PPP1R14C: variants seen among roughly 807,000 people sequenced by gnomAD.
The protein encoded by PPP1R14C is protein phosphatase 1 regulatory inhibitor subunit 14C, also known as protein phosphatase 1 regulatory subunit 14C.
PPP1R14C carries 16 observed loss-of-function variants against 20.4 expected under a neutral mutation model. The ratio of observed to expected loss-of-function variants is 0.78; its 90% CI spans 0.53 to 1.19. The LOEUF is 1.19. Among genes scored for constraint, PPP1R14C ranks in the 50% most tolerant of loss-of-function variants. PPP1R14C has a pLI of 0.00. For missense variants in PPP1R14C, 211 were observed against 220.1 expected, an observed-to-expected ratio of 0.96 and a Z score of 0.26; for synonymous variants, 91 against 91.0, an observed-to-expected ratio of 1.00 and a Z score of 0.00.
rs1157921382 is a variant in PPP1R14C, at chr6:150,143,247, G to T, written c.55G>T (p.Ala19Ser). The T allele has an allele frequency of 7.1e-6, 10 of 1,413,846 alleles. No homozygotes were observed. The highest frequency in any genetic ancestry group is 3.0e-5 in the African/African-American group (2 of 65,766). 87.6% of individuals were successfully genotyped at this position (1,413,846 alleles called of 1,614,324 possible). ...ETAGGASGGGARVFFQSPRGG... is the reference protein window; with the variant it reads ...ETAGGASGGGSRVFFQSPRGG... ...GGCCGGCGGGGCCAGCGGCGGCGGC[G>T]CACGGGTTTTCTTCCAAAGCCCCCG... is the stretch of plus-strand genomic sequence containing the variant. The change falls in exon 1 of 4, where the codon GCA becomes TCA. Residue 19 changes from alanine to serine, a missense_variant. Physicochemically the swap from Ala to Ser is moderately conservative, Grantham distance 99. Coordinates refer to ENST00000361131, the MANE Select transcript of PPP1R14C (RefSeq NM_030949.3). This position sits in a 1 kb window ranked among gnomAD's most constrained non-coding sequence, Gnocchi z 5.6.
chr6:150,151,673 T>C (rs1379907211), intron 1 of PPP1R14C, among the ~76,000 whole-genome samples: 1 of 152,196 alleles, frequency 6.6e-6, no homozygotes, highest in Non-Finnish European at 1.5e-5. Context: ...TCCCAACAAC[T>C]TTATGAAGGA....
intron 1 of PPP1R14C, among the ~76,000 whole-genome samples, chr6:150,150,751 A>G (rs568638757): frequency 9.2e-5 from 14 of 151,866 alleles, no homozygotes; most frequent in African/African-American, 2.7e-4. Context: ...TAGACCAGCC[A>G]CCCTCCAGGC....
At position 150,241,055 on chromosome 6, in the gene PPP1R14C, C is replaced by T. The variant is rs568534781; in HGVS notation, c.424-7691C>T. Among the ~76,000 whole-genome samples, 7 of 152,070 alleles carry T rather than the reference C, an allele frequency of 4.6e-5. No individual in the cohort carries two copies. The East Asian group carries it at 1.2e-3, about 25-fold the overall frequency. On this transcript the variant is annotated intron_variant, in intron 3 of 3. Coordinates refer to ENST00000361131, the MANE Select transcript of PPP1R14C (RefSeq NM_030949.3). The stretch of plus-strand genomic sequence containing the variant: ...CTAATGAGGCATGTCTTGGTGGGCA[C>T]CTAAGTGGGTGCTGGTCACCAGAAA...
At chr6:150,240,564 G>A (rs1033462193) in intron 3 of PPP1R14C, among the ~76,000 whole-genome samples, 1 of 152,202 alleles carries the variant, frequency 6.6e-6, no homozygotes, top group Non-Finnish European at 1.5e-5. Context: ...CCAATCAGAG[G>A]CTGAAGTGAA....
chr6:150,236,430 A>G (rs1202020264), intron 3 of PPP1R14C, among the ~76,000 whole-genome samples: 1 of 152,160 alleles, frequency 6.6e-6, no homozygotes, highest in East Asian at 1.9e-4. Context: ...TCAGATCCCA[A>G]AATAGTGCCC....
intron 1 of PPP1R14C, among the ~76,000 whole-genome samples, chr6:150,188,298 ATAGCT>A (rs1277931979): frequency 6.6e-6 from 1 of 152,108 alleles, no homozygotes; most frequent in Non-Finnish European, 1.5e-5. Context: ...TCTTTTGGTA[ATAGCT>A]TAATTAAATG....
At chr6:150,202,552 A>C (rs1777891235) in intron 1 of PPP1R14C, among the ~76,000 whole-genome samples, 1 of 152,238 alleles carries the variant, frequency 6.6e-6, no homozygotes, top group African/African-American at 2.4e-5. Flanking sequence ...CATTGGGCAG[A>C]AGAAGCTTCG....
intron 1 of PPP1R14C, among the ~76,000 whole-genome samples, chr6:150,154,891 A>G (rs1461243263): frequency 6.6e-6 from 1 of 152,232 alleles, no homozygotes; most frequent in Non-Finnish European, 1.5e-5. Context: ...CAGCCACCAT[A>G]GCTGCTTTTT....
intron 1 of PPP1R14C, among the ~76,000 whole-genome samples, chr6:150,205,609 A>T (rs368664988): frequency 3.3e-5 from 5 of 152,166 alleles, no homozygotes; most frequent in African/African-American, 1.2e-4. Flanking sequence ...TCTGGCCAAC[A>T]TGGTGATACC....
intron 1 of PPP1R14C, among the ~76,000 whole-genome samples, chr6:150,214,499 A>G (rs1231217994): frequency 7.1e-6 from 1 of 140,812 alleles, no homozygotes; most frequent in African/African-American, 2.7e-5. Flanking sequence ...TCCCTTCTTC[A>G]TCTGTCCCCA....
At chr6:150,230,132 A>G (rs949737947) in intron 3 of PPP1R14C, among the ~76,000 whole-genome samples, 1 of 152,174 alleles carries the variant, frequency 6.6e-6, no homozygotes, top group South Asian at 2.1e-4. Context: ...ATTTGGAACA[A>G]TTTGCAGGTG....
At chr6:150,227,347 C>A (rs117430089) in intron 3 of PPP1R14C, among the ~76,000 whole-genome samples, 1 of 152,254 alleles carries the variant, frequency 6.6e-6, no homozygotes, top group East Asian at 1.9e-4. Context: ...ATTTTTAAAG[C>A]AACCTCTTGG....
At chr6:150,218,482 C>G (rs1206912344) in intron 3 of PPP1R14C, among the ~76,000 whole-genome samples, 1 of 116,634 alleles carries the variant, frequency 8.6e-6, no homozygotes, top group African/African-American at 3.6e-5. Context: ...GAACCCCCCC[C>G]CCCAAAAAAA....
chr6:150,221,017 A>G (rs1284253011), intron 3 of PPP1R14C, among the ~76,000 whole-genome samples: 1 of 152,204 alleles, frequency 6.6e-6, no homozygotes, highest in Non-Finnish European at 1.5e-5. Flanking sequence ...TCCCATTTCT[A>G]GGAATGGAGA....
At position 150,143,855 on chromosome 6, in the gene PPP1R14C, G is replaced by T. The variant is rs911815858; in HGVS notation, c.306+357G>T. ...GCTCGGAGGGGCTCACTCCAGCTGC[G>T]CCTCAGCAGCGGTTGGGGATACAGC... On this transcript the variant is annotated intron_variant, in intron 1 of 3. Coordinates refer to ENST00000361131, the MANE Select transcript of PPP1R14C (RefSeq NM_030949.3). The surrounding 1 kb of genome is among the most constrained non-coding windows in gnomAD (Gnocchi z 5.6). Among the ~76,000 whole-genome samples the T allele has an allele frequency of 6.6e-6, 1 of 152,238 alleles. No homozygotes were observed. The highest frequency in any genetic ancestry group is 1.5e-5 in the Non-Finnish European group (1 of 68,040).
chr6:150,163,531 G>A (rs1476114341), intron 1 of PPP1R14C, among the ~76,000 whole-genome samples: 2 of 152,206 alleles, frequency 1.3e-5, no homozygotes, highest in Admixed American at 1.3e-4. Flanking sequence ...AATAGTGCCA[G>A]CACTGCAGGG....
intron 3 of PPP1R14C, among the ~76,000 whole-genome samples, chr6:150,233,876 A>C (rs1778321557): frequency 6.6e-6 from 1 of 152,200 alleles, no homozygotes; most frequent in African/African-American, 2.4e-5. Flanking sequence ...AGCCCTGCAA[A>C]GGAAGGCACC....
At position 150,185,708 on chromosome 6, in the gene PPP1R14C, G is replaced by A. The variant is rs1777669171; in HGVS notation, c.307-29036G>A. Among the ~76,000 whole-genome samples the A allele has an allele frequency of 1.3e-5, 2 of 152,214 alleles. No homozygotes were observed. The highest frequency in any genetic ancestry group is 4.8e-5 in the African/African-American group (2 of 41,524). On this transcript the variant is annotated intron_variant, in intron 1 of 3. Coordinates refer to ENST00000361131, the MANE Select transcript of PPP1R14C (RefSeq NM_030949.3). The surrounding 1 kb of genome is among the most constrained non-coding windows in gnomAD (Gnocchi z 4.1). Reference sequence around the variant, plus strand: ...CTGTGTGTCGGTGAGGATAGGCGAGGCTATGTTACACTCAGGAGTGACCCA... The same window carrying A: ...CTGTGTGTCGGTGAGGATAGGCGAGACTATGTTACACTCAGGAGTGACCCA...
chr6:150,143,109 T>A lies in PPP1R14C; in HGVS notation c.-84T>A. 1 of 1,155,364 alleles carries A rather than the reference T, an allele frequency of 8.7e-7. No homozygotes were observed. Among genetic ancestry groups the A allele is most frequent in the South Asian group, 4.3e-5 (1 of 23,374 alleles). 71.6% of individuals were successfully genotyped at this position (1,155,364 alleles called of 1,614,324 possible). A position where few individuals can be genotyped will look rare whatever the true frequency, so the allele number is the denominator to read the frequency against. ...TGCCGGGGAGCCCTTCGCATGCGGC[T>A]GCCGGGCCGGAGGTGGTAGCGGCGC... On this transcript the variant is annotated 5_prime_UTR_variant, in exon 1 of 4. Transcript: ENST00000361131. The surrounding 1 kb of genome is among the most constrained non-coding windows in gnomAD (Gnocchi z 5.6).
Sources: gnomAD v4.1 joint callset for allele counts (sites outside exome capture counted in the v4.1 genomes callset) on GRCh38, gnomAD v4.1.1 for gene constraint, Gnocchi (gnomAD v3.1) non-coding constraint, MANE v1.5 for transcripts, NCBI Gene and HGNC (gene_info 2026-07-23, HGNC 2026-07-21) for gene names.